The following LRGUK variants were observed in gnomAD, a reference collection of about 807,000 sequenced individuals.
LRGUK encodes the protein leucine-rich repeat and guanylate kinase domain-containing protein.
Under a neutral mutation model 76.0 loss-of-function variants are expected in LRGUK, and 65 were observed. That is an observed-to-expected ratio of 0.85 (90% confidence interval 0.70 to 1.05). LRGUK has a LOEUF of 1.05. LRGUK is among the 50% of genes least tolerant of loss of function. LRGUK has a pLI of 0.00. For missense variants in LRGUK, 758 were observed against 732.8 expected, an observed-to-expected ratio of 1.03 and a Z score of -0.40; for synonymous variants, 268 against 265.6, an observed-to-expected ratio of 1.01 and a Z score of -0.09.
intron 1 of LRGUK, among the ~76,000 whole-genome samples, 157 bp from the exon 2 acceptor site, chr7:134,136,866 A>G (rs13246630): frequency 0.62 from 94,353 of 152,200 alleles, 29,596 homozygotes; most frequent in African/African-American, 0.68. Context: ...TAATATGTAT[A>G]TGTTATCAAC....
intron 15 of LRGUK, among the ~76,000 whole-genome samples, chr7:134,205,464 G>T (rs1284457560): frequency 6.6e-6 from 1 of 151,810 alleles, no homozygotes; most frequent in Non-Finnish European, 1.5e-5. Flanking sequence ...CTCTGAGCTG[G>T]GTCACTCTGA....
chr7:134,218,286 T>G (rs1408290787), intron 15 of LRGUK, among the ~76,000 whole-genome samples: 2 of 152,216 alleles, frequency 1.3e-5, no homozygotes, highest in Non-Finnish European at 2.9e-5. Context: ...AAGTTGTCTG[T>G]GCATCTCAGG....
At chr7:134,192,565 AT>A (rs1800301910) in intron 12 of LRGUK, among the ~76,000 whole-genome samples, 1 of 152,198 alleles carries the variant, frequency 6.6e-6, no homozygotes, top group Non-Finnish European at 1.5e-5. Context: ...AAAACAACTT[AT>A]ATGTTCCTTC....
chr7:134,239,283 G>A (rs1041105778), intron 16 of LRGUK, among the ~76,000 whole-genome samples: 1 of 152,188 alleles, frequency 6.6e-6, no homozygotes, highest in Non-Finnish European at 1.5e-5. Flanking sequence ...AAGGAGTCGG[G>A]GAATTCCCTT....
intron 16 of LRGUK, among the ~76,000 whole-genome samples, chr7:134,239,988 TCTGA>T (rs1373979170): frequency 6.6e-6 from 1 of 152,198 alleles, no homozygotes; most frequent in Non-Finnish European, 1.5e-5. Context: ...AGCTGAGGGT[TCTGA>T]CTGTTAGAAG....
chr7:134,224,891 A>G (rs1454272356), intron 16 of LRGUK, among the ~76,000 whole-genome samples: 1 of 151,968 alleles, frequency 6.6e-6, no homozygotes, highest in Non-Finnish European at 1.5e-5. Context: ...TCTCTACTGA[A>G]AATACAAAAC....
chr7:134,182,200 C>T (rs1205926449), intron 10 of LRGUK, among the ~76,000 whole-genome samples: 2 of 152,156 alleles, frequency 1.3e-5, no homozygotes, highest in Admixed American at 1.3e-4. Context: ...TTTCTTATTG[C>T]CACGTAGCAT....
chr7:134,222,248 T>C (rs149283731), intron 16 of LRGUK, among the ~76,000 whole-genome samples: 51 of 152,364 alleles, frequency 3.3e-4, no homozygotes. Flanking sequence ...ACTTGCTTTG[T>C]TGCTAGGGTA....
At chr7:134,267,210 G>T (rs745737283), downstream of LRGUK, among the ~76,000 whole-genome samples, 1 of 152,136 alleles carries the variant, frequency 6.6e-6, no homozygotes, top group Non-Finnish European at 1.5e-5. Context: ...AAAATGGAAA[G>T]AGTAAAAATA....
intron 16 of LRGUK, among the ~76,000 whole-genome samples, chr7:134,229,394 C>CTATA (rs1217626123): frequency 1.3e-5 from 2 of 151,724 alleles, no homozygotes; most frequent in Admixed American, 6.6e-5. Flanking sequence ...ATCTATCTAT[C>CTATA]TATCTATCTA....
intron 15 of LRGUK, among the ~76,000 whole-genome samples, chr7:134,203,271 CT>C (rs1236060964): frequency 6.6e-6 from 1 of 152,100 alleles, no homozygotes; most frequent in Non-Finnish European, 1.5e-5. Context: ...AGTTTTAAAA[CT>C]TTCCCTTGAT....
At chr7:134,255,529 C>T (rs1365498293) in intron 18 of LRGUK, among the ~76,000 whole-genome samples, 1 of 152,174 alleles carries the variant, frequency 6.6e-6, no homozygotes, top group African/African-American at 2.4e-5. Flanking sequence ...GAATGAAAGA[C>T]AATTAGTTCA....
intron 4 of LRGUK, among the ~76,000 whole-genome samples, chr7:134,146,280 A>G (rs1294806614): frequency 1.3e-5 from 2 of 152,196 alleles, no homozygotes; most frequent in Non-Finnish European, 2.9e-5. Flanking sequence ...CTAAAAAAAA[A>G]AAAGAAACCT....
At chr7:134,133,413 C>G (rs745732032) in intron 1 of LRGUK, among the ~76,000 whole-genome samples, 1 of 152,166 alleles carries the variant, frequency 6.6e-6, no homozygotes, top group East Asian at 1.9e-4. Flanking sequence ...TACTGACATA[C>G]AATGGGGGCC....
chr7:134,165,400 A>G (rs992462005), intron 7 of LRGUK, among the ~76,000 whole-genome samples: 4 of 152,202 alleles, frequency 2.6e-5, no homozygotes, highest in African/African-American at 7.2e-5. Context: ...TAACCTCTGC[A>G]GGGTGATATA....
chr7:134,250,310 A>C (rs990885918), intron 18 of LRGUK, among the ~76,000 whole-genome samples: 3 of 152,238 alleles, frequency 2.0e-5, no homozygotes, highest in Non-Finnish European at 2.9e-5. Flanking sequence ...AATTTAATGA[A>C]ATATTCAATA....
At chr7:134,256,287 G>A (rs776912086) in intron 18 of LRGUK, among the ~76,000 whole-genome samples, 3 of 151,678 alleles carry the variant, frequency 2.0e-5, no homozygotes, top group African/African-American at 2.4e-5. Context: ...GAGAAACCCC[G>A]TCTCTACTAA....
At chr7:134,139,338 A>T in intron 2 of LRGUK, 98 bp from the exon 3 acceptor site, 1 of 761,042 alleles carries the variant, frequency 1.3e-6, no homozygotes, top group South Asian at 1.8e-5. Flanking sequence ...TACTTGTGAA[A>T]GAAATTCTGG....
intron 19 of LRGUK, among the ~76,000 whole-genome samples, chr7:134,262,970 C>CAAAAAAAAAAA (rs3030443): frequency 1.1e-5 from 1 of 89,964 alleles, no homozygotes; most frequent in African/African-American, 5.0e-5. Context: ...GACCTGGTCT[C>CAAAAAAAAAAA]AAAAAAAAAA....
Sources: allele counts gnomAD v4.1 joint callset (sites outside exome capture counted in the v4.1 genomes callset), GRCh38; gene constraint gnomAD v4.1.1; transcripts MANE v1.5; gene names NCBI Gene and HGNC (gene_info 2026-07-23, HGNC 2026-07-21).